Variants in UST observed in about 807,000 individuals in gnomAD.
UST encodes uronyl 2-sulfotransferase.
UST carries 21 observed loss-of-function variants against 45.6 expected under a neutral mutation model. The ratio of observed to expected loss-of-function variants is 0.46; its 90% CI spans 0.33 to 0.66. The LOEUF (loss-of-function observed/expected upper bound fraction) is 0.66. Ranked by LOEUF, UST falls within the 30% of genes least tolerant of loss-of-function variation. The pLI, the probability that UST is intolerant of heterozygous loss-of-function variation, is 0.02. For synonymous variants in UST, 215 were observed against 200.6 expected, an observed-to-expected ratio of 1.07 and a Z score of -0.61; for missense variants, 463 against 512.4, an observed-to-expected ratio of 0.90 and a Z score of 0.93.
intron 5 of UST, among the ~76,000 whole-genome samples, chr6:148,993,592 T>G (rs1781394665): frequency 6.6e-6 from 1 of 152,176 alleles, no homozygotes; most frequent in Non-Finnish European, 1.5e-5. Flanking sequence ...AAATCTCATT[T>G]TGAATTGTAA....
At chr6:148,804,863 A>G (rs772050619) in intron 1 of UST, among the ~76,000 whole-genome samples, 1 of 150,100 alleles carries the variant, frequency 6.7e-6, no homozygotes. Flanking sequence ...AACCATCTAT[A>G]TGGTTCATAA....
chr6:148,933,779 G>A (rs2114913898), intron 2 of UST, among the ~76,000 whole-genome samples: 1 of 152,292 alleles, frequency 6.6e-6, no homozygotes, highest in Non-Finnish European at 1.5e-5. Flanking sequence ...ATCTCAAAAT[G>A]GGAAGCTTGA....
intron 5 of UST, among the ~76,000 whole-genome samples, chr6:148,982,477 A>C (rs1781157808): frequency 6.6e-6 from 1 of 152,048 alleles, no homozygotes; most frequent in Non-Finnish European, 1.5e-5. Context: ...TTAAAGGCCC[A>C]CCTCCTAATA....
chr6:148,888,202 A>T (rs1778946512), intron 2 of UST, among the ~76,000 whole-genome samples: 1 of 152,134 alleles, frequency 6.6e-6, no homozygotes, highest in Non-Finnish European at 1.5e-5. Context: ...AACAAGAGGG[A>T]TTGGGGGAGG....
At chr6:148,910,403 G>A (rs1779450214) in intron 2 of UST, among the ~76,000 whole-genome samples, 1 of 152,112 alleles carries the variant, frequency 6.6e-6, no homozygotes, top group African/African-American at 2.4e-5. Flanking sequence ...ACCTCCCAAA[G>A]TGCTGGCATT....
At chr6:148,822,207 A>G (rs183062714) in intron 1 of UST, among the ~76,000 whole-genome samples, 97 of 152,330 alleles carry the variant, frequency 6.4e-4, no homozygotes, top group Non-Finnish European at 9.8e-4. Flanking sequence ...ACACACGTCT[A>G]TATCAATTTC....
chr6:148,818,695 T>G (rs1395448427), intron 1 of UST, among the ~76,000 whole-genome samples: 2 of 152,240 alleles, frequency 1.3e-5, no homozygotes, highest in Non-Finnish European at 2.9e-5. Context: ...AAAATGCCTA[T>G]TTGAGGCAAT....
chr6:148,972,628 A>T (rs1015905507), intron 5 of UST, among the ~76,000 whole-genome samples: 1 of 152,264 alleles, frequency 6.6e-6, no homozygotes, highest in Non-Finnish European at 1.5e-5. Context: ...AGCCAGGTGC[A>T]TCCGCCGGCC....
intron 5 of UST, among the ~76,000 whole-genome samples, chr6:149,017,362 A>G (rs1775918317): frequency 6.6e-6 from 1 of 151,716 alleles, no homozygotes; most frequent in African/African-American, 2.4e-5. Flanking sequence ...GGGGGACAGC[A>G]AGACTCTGTC....
At chr6:148,819,969 G>A (rs996719919) in intron 1 of UST, among the ~76,000 whole-genome samples, 10 of 151,992 alleles carry the variant, frequency 6.6e-5, no homozygotes, top group Non-Finnish European at 1.0e-4. Context: ...AGAATGCTCC[G>A]AAGGCCCATC....
chr6:148,756,020 C>G (rs966819726), intron 1 of UST, among the ~76,000 whole-genome samples: 1 of 132,540 alleles, frequency 7.5e-6, no homozygotes, highest in Non-Finnish European at 1.6e-5. Flanking sequence ...CCCCACCCCA[C>G]GACAGGCCCC....
At chr6:148,946,194 C>A (rs1407799353) in intron 3 of UST, among the ~76,000 whole-genome samples, 19 of 152,140 alleles carry the variant, frequency 1.2e-4, no homozygotes, top group Non-Finnish European at 7.3e-5. Flanking sequence ...ATCCCTAAGG[C>A]ATGGTTAATC....
chr6:149,068,032 AT>A (rs1212705969), intron 7 of UST, among the ~76,000 whole-genome samples: 4 of 151,432 alleles, frequency 2.6e-5, no homozygotes, highest in African/African-American at 4.9e-5. Flanking sequence ...ATCGTGCCCA[AT>A]TTTTTTTTAA....
intron 4 of UST, among the ~76,000 whole-genome samples, chr6:148,963,268 C>T (rs1780706030): frequency 6.6e-6 from 1 of 152,148 alleles, no homozygotes; most frequent in South Asian, 2.1e-4. Flanking sequence ...CTTTCTGACC[C>T]CTGACAGAAT....
intron 7 of UST, among the ~76,000 whole-genome samples, chr6:149,067,249 T>C (rs1776745027): frequency 6.6e-6 from 1 of 152,178 alleles, no homozygotes; most frequent in African/African-American, 2.4e-5. Flanking sequence ...TGATCTTCTC[T>C]GATTAATGAA....
intron 6 of UST, 75 bp from the exon 7 acceptor site, chr6:149,021,249 G>T: frequency 6.8e-7 from 1 of 1,471,578 alleles, no homozygotes; most frequent in South Asian, 1.3e-5. Flanking sequence ...GGAGGTAGAG[G>T]GGGTAAACTC....
intron 2 of UST, among the ~76,000 whole-genome samples, chr6:148,940,563 A>G (rs1156884163): frequency 6.6e-6 from 1 of 152,290 alleles, no homozygotes; most frequent in South Asian, 2.1e-4. Flanking sequence ...GAACCCTCAT[A>G]TGTTGTTGGT....
intron 2 of UST, among the ~76,000 whole-genome samples, chr6:148,896,310 A>G (rs116441809): frequency 0.013 from 1,992 of 152,326 alleles, 42 homozygotes; most frequent in African/African-American, 0.045. Flanking sequence ...AGACATGCCC[A>G]TCCACCTGGT....
intron 1 of UST, among the ~76,000 whole-genome samples, chr6:148,862,138 C>T (rs1778329959): frequency 6.6e-6 from 1 of 152,284 alleles, no homozygotes; most frequent in East Asian, 1.9e-4. Context: ...GTCTAAGTCT[C>T]TTTGTGGGTC....
Sources: allele counts gnomAD v4.1 joint callset (sites outside exome capture counted in the v4.1 genomes callset), GRCh38; gene constraint gnomAD v4.1.1; transcripts MANE v1.5; gene names NCBI Gene and HGNC (gene_info 2026-07-23, HGNC 2026-07-21).